The following KHDRBS2 variants were observed in gnomAD, a reference collection of about 807,000 sequenced individuals.
The protein encoded by KHDRBS2 is KH RNA binding domain containing, signal transduction associated 2.
A neutral mutation model predicts 44.3 loss-of-function variants in KHDRBS2; 26 were observed. That is an observed-to-expected ratio of 0.59 (90% confidence interval 0.43 to 0.81). KHDRBS2 has a LOEUF of 0.81. Ranked by LOEUF, KHDRBS2 falls within the 40% of genes least tolerant of loss-of-function variation. The pLI is 0.00. For synonymous variants in KHDRBS2, 194 were observed against 151.1 expected, an observed-to-expected ratio of 1.28 and a Z score of -2.08; for missense variants, 476 against 433.1, an observed-to-expected ratio of 1.10 and a Z score of -0.88.
chr6:61,574,857 G>A, the KHDRBS2 span, among the ~76,000 whole-genome samples: 1 of 152,118 alleles, frequency 6.6e-6, no homozygotes, highest in Non-Finnish European at 1.5e-5. Context: ...GCAGTGAGCA[G>A]AGATCATGCC....
intron 2 of KHDRBS2, among the ~76,000 whole-genome samples, chr6:62,122,920 C>CT (rs1246276265): frequency 8.0e-6 from 1 of 125,282 alleles, no homozygotes; most frequent in Non-Finnish European, 1.7e-5. Flanking sequence ...ATAAATTATA[C>CT]TTTAAGTTCT....
intron 1 of KHDRBS2, among the ~76,000 whole-genome samples, chr6:62,213,931 T>G (rs1225132191): frequency 7.5e-6 from 1 of 133,446 alleles, no homozygotes; most frequent in Non-Finnish European, 1.6e-5. Flanking sequence ...CAACTTCTAA[T>G]ACATGTGTGT....
intron 1 of KHDRBS2, among the ~76,000 whole-genome samples, chr6:62,239,363 A>G (rs1358733414): frequency 2.0e-5 from 3 of 152,146 alleles, no homozygotes; most frequent in Non-Finnish European, 1.5e-5. Context: ...ATTTGAGGTC[A>G]GGAGTCCAAG....
intron 7 of KHDRBS2, among the ~76,000 whole-genome samples, chr6:61,715,775 G>T (rs1771294834): frequency 6.9e-6 from 1 of 144,298 alleles, no homozygotes; most frequent in South Asian, 2.2e-4. Context: ...GCCTTTGGAA[G>T]AATTTCCTGT....
At chr6:62,282,518 C>T (rs9294844) in intron 1 of KHDRBS2, among the ~76,000 whole-genome samples, 34,159 of 151,972 alleles carry the variant, frequency 0.22, 5,227 homozygotes, top group African/African-American at 0.44. Flanking sequence ...ATCACCATAA[C>T]TGAATATATA....
intron 4 of KHDRBS2, among the ~76,000 whole-genome samples, chr6:61,957,190 T>C (rs1024020932): frequency 1.3e-5 from 2 of 152,170 alleles, no homozygotes; most frequent in African/African-American, 2.4e-5. Flanking sequence ...AATCCTGTCA[T>C]CTTTGTTAGC....
intron 1 of KHDRBS2, among the ~76,000 whole-genome samples, chr6:62,241,073 G>T (rs1834583349): frequency 6.6e-6 from 1 of 151,862 alleles, no homozygotes; most frequent in Non-Finnish European, 1.5e-5. Flanking sequence ...TTTAAGTATG[G>T]AAAGAATAAA....
At chr6:61,853,575 TGCTTAA>T (rs1234069464) in intron 6 of KHDRBS2, among the ~76,000 whole-genome samples, 1 of 152,210 alleles carries the variant, frequency 6.6e-6, no homozygotes, top group Non-Finnish European at 1.5e-5. Flanking sequence ...AAGGAAAGGT[TGCTTAA>T]GCCAGCATTT....
chr6:62,164,910 G>A (rs1818364092), intron 2 of KHDRBS2, among the ~76,000 whole-genome samples: 1 of 151,812 alleles, frequency 6.6e-6, no homozygotes, highest in East Asian at 1.9e-4. Context: ...ATTTTTCTAA[G>A]TGAGGTTCAC....
chr6:62,284,517 G>A (rs1842209753), intron 1 of KHDRBS2, among the ~76,000 whole-genome samples: 1 of 151,680 alleles, frequency 6.6e-6, no homozygotes, highest in South Asian at 2.1e-4. Flanking sequence ...AAAAAAGTTC[G>A]TTTTTATTGA....
At chr6:61,811,128 C>T (rs1788049880) in intron 6 of KHDRBS2, among the ~76,000 whole-genome samples, 1 of 151,940 alleles carries the variant, frequency 6.6e-6, no homozygotes, top group South Asian at 2.1e-4. Context: ...TTTTTGGAGT[C>T]TCCAATGTCT....
intron 2 of KHDRBS2, among the ~76,000 whole-genome samples, chr6:62,138,199 TA>T (rs1243436106): frequency 2.0e-5 from 3 of 152,200 alleles, no homozygotes; most frequent in Admixed American, 6.5e-5. Flanking sequence ...ACGGTATACA[TA>T]AAGGTTATCA....
intron 5 of KHDRBS2, among the ~76,000 whole-genome samples, chr6:61,895,480 G>C (rs1802780298): frequency 6.6e-6 from 1 of 152,150 alleles, no homozygotes; most frequent in African/African-American, 2.4e-5. Flanking sequence ...TGCAGTCCCT[G>C]ACAGAATATA....
chr6:62,063,414 C>T (rs1378760989), intron 2 of KHDRBS2, among the ~76,000 whole-genome samples: 2 of 151,330 alleles, frequency 1.3e-5, no homozygotes, highest in Non-Finnish European at 3.0e-5. Flanking sequence ...AGCAGGACAT[C>T]AAAAAGCTTA....
At chr6:62,261,737 A>C (rs1312343891) in intron 1 of KHDRBS2, among the ~76,000 whole-genome samples, 3 of 151,826 alleles carry the variant, frequency 2.0e-5, no homozygotes, top group Non-Finnish European at 2.9e-5. Flanking sequence ...TGATCATATA[A>C]GACATTTTTG....
intron 6 of KHDRBS2, among the ~76,000 whole-genome samples, chr6:61,770,269 ATCAGAGTGCCTCTCC>A (rs1323461939): frequency 2.6e-5 from 4 of 152,192 alleles, no homozygotes; most frequent in Non-Finnish European, 5.9e-5. Context: ...AACTCTAAAA[ATCAGAGTGCCTCTCC>A]TCCTCCAAAG....
At chr6:61,614,384 A>T in the KHDRBS2 span, among the ~76,000 whole-genome samples, 12 of 152,218 alleles carry the variant, frequency 7.9e-5, no homozygotes, top group African/African-American at 2.9e-4. Context: ...AATATTTTAA[A>T]AAAGAATCCT....
intron 1 of KHDRBS2, among the ~76,000 whole-genome samples, chr6:62,221,139 A>AG (rs57898911): frequency 6.6e-6 from 1 of 151,968 alleles, no homozygotes; most frequent in Non-Finnish European, 1.5e-5. Context: ...AAAAAAAAAA[A>AG]GATTTTGCCA....
chr6:61,551,435 T>C, the KHDRBS2 span, among the ~76,000 whole-genome samples: 6,873 of 152,310 alleles, frequency 0.045, 211 homozygotes, highest in Middle Eastern at 0.078. Flanking sequence ...CATGAAATCT[T>C]TTTCCATTCC....
Sources: allele counts gnomAD v4.1 joint callset (sites outside exome capture counted in the v4.1 genomes callset), GRCh38; gene constraint gnomAD v4.1.1; transcripts MANE v1.5; gene names NCBI Gene and HGNC (gene_info 2026-07-23, HGNC 2026-07-21).